Variants in CNTNAP2 observed in about 807,000 individuals in gnomAD.
The protein encoded by CNTNAP2 is contactin associated protein 2, also known as contactin-associated protein-like 2.
In CNTNAP2, 98 loss-of-function variants were observed where a neutral mutation model predicts 155.2. That is an observed-to-expected ratio of 0.63 (90% CI 0.54 to 0.75). CNTNAP2 has a LOEUF of 0.75. Ranked by LOEUF, CNTNAP2 falls within the 30% of genes least tolerant of loss-of-function variation. CNTNAP2 has a pLI of 0.00. For missense variants in CNTNAP2, 1,727 were observed against 1,688.1 expected (o/e 1.02, Z -0.40); for synonymous variants, 651 against 631.2 (o/e 1.03, Z -0.47).
chr7:147,870,587 A>G (rs1340025151), intron 13 of CNTNAP2, among the ~76,000 whole-genome samples: 2 of 152,206 alleles, frequency 1.3e-5, no homozygotes, highest in Non-Finnish European at 2.9e-5. Flanking sequence ...CAGAGAAAAC[A>G]TGCTCAACCC....
intron 13 of CNTNAP2, among the ~76,000 whole-genome samples, chr7:147,862,644 C>T (rs4574770): frequency 0.71 from 106,733 of 151,374 alleles, 37,817 homozygotes; most frequent in Middle Eastern, 0.8. Flanking sequence ...TACATATATA[C>T]ACACACACAC....
chr7:148,366,680 C>T (rs561139826), intron 21 of CNTNAP2, among the ~76,000 whole-genome samples: 1 of 152,240 alleles, frequency 6.6e-6, no homozygotes, highest in African/African-American at 2.4e-5. Context: ...TTAAAGAATG[C>T]TGGTAGAGAT....
At chr7:147,525,793 T>C (rs1655148087) in intron 11 of CNTNAP2, among the ~76,000 whole-genome samples, 2 of 152,196 alleles carry the variant, frequency 1.3e-5, no homozygotes, top group Admixed American at 6.5e-5. Flanking sequence ...TTATGACTCT[T>C]TCATATTCCG....
At chr7:146,355,174 T>C (rs73465987) in intron 1 of CNTNAP2, among the ~76,000 whole-genome samples, 3,577 of 152,330 alleles carry the variant, frequency 0.023, 161 homozygotes, top group African/African-American at 0.081. Flanking sequence ...TTTCTTTATA[T>C]GTTCTTCTTC....
At chr7:146,801,577 A>C (rs997428888) in intron 2 of CNTNAP2, among the ~76,000 whole-genome samples, 1 of 152,204 alleles carries the variant, frequency 6.6e-6, no homozygotes, top group Admixed American at 6.5e-5. Flanking sequence ...AGGGAAAAAT[A>C]TGCTTTTTAA....
At chr7:146,949,503 T>G (rs1270075424) in intron 3 of CNTNAP2, among the ~76,000 whole-genome samples, 1 of 152,186 alleles carries the variant, frequency 6.6e-6, no homozygotes, top group Non-Finnish European at 1.5e-5. Flanking sequence ...TCTGCAGGTC[T>G]TTTTTCCATC....
At chr7:148,394,602 C>T (rs1346152929) in intron 22 of CNTNAP2, among the ~76,000 whole-genome samples, 1 of 152,154 alleles carries the variant, frequency 6.6e-6, no homozygotes, top group African/African-American at 2.4e-5. Context: ...TGGTGATGCC[C>T]AGTTACACCA....
At chr7:147,994,029 C>T (rs1025971186) in intron 15 of CNTNAP2, among the ~76,000 whole-genome samples, 1 of 152,170 alleles carries the variant, frequency 6.6e-6, no homozygotes, top group African/African-American at 2.4e-5. Flanking sequence ...TACACACACA[C>T]ACACATGCAG....
chr7:147,029,270 C>T (rs34264055), intron 3 of CNTNAP2, among the ~76,000 whole-genome samples: 15,462 of 151,998 alleles, frequency 0.1, 870 homozygotes, highest in Middle Eastern at 0.15. Context: ...GCCTAAGATA[C>T]ATTCTTGAGT....
At chr7:148,044,239 G>T (rs534525313) in intron 15 of CNTNAP2, among the ~76,000 whole-genome samples, 3 of 148,868 alleles carry the variant, frequency 2.0e-5, no homozygotes, top group Non-Finnish European at 3.0e-5. Context: ...TTAGTCTCGG[G>T]GTCTCCGTGT....
intron 1 of CNTNAP2, among the ~76,000 whole-genome samples, chr7:146,250,143 A>T (rs1799733212): frequency 6.6e-6 from 1 of 152,214 alleles, no homozygotes; most frequent in African/African-American, 2.4e-5. Flanking sequence ...TTCAGTTACA[A>T]ATTATAGTAA....
intron 13 of CNTNAP2, among the ~76,000 whole-genome samples, chr7:147,895,641 T>C (rs1005073350): frequency 6.6e-6 from 1 of 152,200 alleles, no homozygotes; most frequent in African/African-American, 2.4e-5. Context: ...CACCACTTTT[T>C]GCCCTTGTCT....
intron 8 of CNTNAP2, among the ~76,000 whole-genome samples, chr7:147,215,120 A>G (rs1275569240): frequency 1.3e-5 from 2 of 152,142 alleles, no homozygotes; most frequent in Non-Finnish European, 2.9e-5. Flanking sequence ...ATTTGAGATA[A>G]GATTTGGGTG....
intron 13 of CNTNAP2, among the ~76,000 whole-genome samples, chr7:147,640,303 C>T (rs982826035): frequency 5.3e-5 from 8 of 151,910 alleles, no homozygotes; most frequent in African/African-American, 1.7e-4. Flanking sequence ...TGCTATTAAC[C>T]GTAGTCACCA....
At chr7:148,017,828 T>C (rs1157512720) in intron 15 of CNTNAP2, among the ~76,000 whole-genome samples, 1 of 152,248 alleles carries the variant, frequency 6.6e-6, no homozygotes, top group East Asian at 1.9e-4. Context: ...CGAATATACA[T>C]GGTATTTGAG....
chr7:146,349,460 A>C (rs1794879055), intron 1 of CNTNAP2, among the ~76,000 whole-genome samples: 1 of 152,130 alleles, frequency 6.6e-6, no homozygotes, highest in Non-Finnish European at 1.5e-5. Context: ...CATCTATAAA[A>C]ATTTTCATTT....
At chr7:147,429,152 G>GTATA (rs141561595) in intron 10 of CNTNAP2, among the ~76,000 whole-genome samples, 3,285 of 145,858 alleles carry the variant, frequency 0.023, 113 homozygotes, top group African/African-American at 0.075. Flanking sequence ...GTGTGTTTGT[G>GTATA]TATATATATA....
At chr7:147,968,459 G>T (rs756311445) in intron 14 of CNTNAP2, among the ~76,000 whole-genome samples, 6 of 152,140 alleles carry the variant, frequency 3.9e-5, no homozygotes, top group Non-Finnish European at 8.8e-5. Flanking sequence ...ATGCAGGAAA[G>T]CTCAACAGTC....
chr7:146,736,503 G>A (rs1180774404), intron 1 of CNTNAP2, among the ~76,000 whole-genome samples: 3 of 152,122 alleles, frequency 2.0e-5, no homozygotes. Flanking sequence ...CCACATCTGA[G>A]GGAAGAACTG....
Sources: gnomAD v4.1 joint callset for allele counts (sites outside exome capture counted in the v4.1 genomes callset) on GRCh38, gnomAD v4.1.1 for gene constraint, MANE v1.5 for transcripts, NCBI Gene and HGNC (gene_info 2026-07-23, HGNC 2026-07-21) for gene names.